SSBP2: variants seen among roughly 807,000 people sequenced by gnomAD.
SSBP2 encodes the protein single-stranded DNA-binding protein 2.
In SSBP2, 17 loss-of-function variants were observed where a neutral mutation model predicts 61.8. That is an observed-to-expected ratio of 0.28 (90% CI 0.19 to 0.41). The LOEUF (loss-of-function observed/expected upper bound fraction) is 0.41, where lower values mean the gene tolerates loss of function less well. Among genes scored for constraint, SSBP2 ranks in the 10% least tolerant of loss-of-function variants. SSBP2 has a pLI of 1.00. For synonymous variants in SSBP2, 139 were observed against 141.3 expected (o/e 0.98, Z 0.12); for missense variants, 310 against 458.7 (o/e 0.68, Z 2.96).
chr5:81,547,349 C>A (rs916202327), intron 4 of SSBP2, among the ~76,000 whole-genome samples: 2 of 152,178 alleles, frequency 1.3e-5, no homozygotes, highest in Non-Finnish European at 1.5e-5. Context: ...TTCTTAGAAA[C>A]AACCAAGATG....
chr5:81,725,500 G>A (rs953245075), intron 1 of SSBP2, among the ~76,000 whole-genome samples: 1 of 152,038 alleles, frequency 6.6e-6, no homozygotes, highest in Admixed American at 6.6e-5. Context: ...CTATTATCCA[G>A]AGATCCCACT....
intron 4 of SSBP2, among the ~76,000 whole-genome samples, chr5:81,589,527 G>A (rs778954617): frequency 1.8e-4 from 28 of 152,120 alleles, no homozygotes; most frequent in Admixed American, 5.9e-4. Flanking sequence ...ACATTTTTCC[G>A]AAATTGTTTA....
chr5:81,558,335 T>C (rs1772767113), intron 4 of SSBP2, among the ~76,000 whole-genome samples: 1 of 152,194 alleles, frequency 6.6e-6, no homozygotes, highest in Non-Finnish European at 1.5e-5. Context: ...CTGGAGGCTA[T>C]GAAGTCCAAG....
chr5:81,547,601 G>A (rs1771836883), intron 4 of SSBP2, among the ~76,000 whole-genome samples: 1 of 152,116 alleles, frequency 6.6e-6, no homozygotes, highest in Admixed American at 6.6e-5. Flanking sequence ...CAAGTAGCTA[G>A]GACTATAAGC....
At chr5:81,710,225 T>TA (rs1375464621) in intron 1 of SSBP2, among the ~76,000 whole-genome samples, 1 of 152,060 alleles carries the variant, frequency 6.6e-6, no homozygotes, top group Admixed American at 6.5e-5. Context: ...GTAAATTAAG[T>TA]AATGGTAGTA....
intron 4 of SSBP2, among the ~76,000 whole-genome samples, chr5:81,530,569 A>G (rs977424443): frequency 2.6e-5 from 4 of 151,790 alleles, no homozygotes; most frequent in African/African-American, 4.8e-5. Context: ...TTATCTTTTC[A>G]TAAGCATAAA....
At chr5:81,733,221 C>T (rs1406899166) in intron 1 of SSBP2, among the ~76,000 whole-genome samples, 1 of 152,040 alleles carries the variant, frequency 6.6e-6, no homozygotes, top group African/African-American at 2.4e-5. Context: ...AATATGAAGG[C>T]TCCAACAATC....
intron 1 of SSBP2, among the ~76,000 whole-genome samples, chr5:81,661,419 C>A (rs980479411): frequency 6.6e-6 from 1 of 152,020 alleles, no homozygotes; most frequent in Admixed American, 6.6e-5. Flanking sequence ...TTTTGAGAAA[C>A]CTCCGTACTG....
chr5:81,593,385 G>C (rs906654786), intron 4 of SSBP2, among the ~76,000 whole-genome samples: 1 of 152,206 alleles, frequency 6.6e-6, no homozygotes, highest in African/African-American at 2.4e-5. Context: ...TGAAAGTGAA[G>C]GGGAGAATGG....
chr5:81,483,963 A>G (rs1580800839), intron 6 of SSBP2, among the ~76,000 whole-genome samples: 1 of 152,202 alleles, frequency 6.6e-6, no homozygotes, highest in East Asian at 1.9e-4. Flanking sequence ...GCATATGATA[A>G]ATGCAGGTAT....
At chr5:81,466,250 G>A (rs1453232910) in intron 9 of SSBP2, among the ~76,000 whole-genome samples, 2 of 152,092 alleles carry the variant, frequency 1.3e-5, no homozygotes, top group African/African-American at 4.8e-5. Flanking sequence ...ATAAGACTTG[G>A]AGGGCAAGCT....
chr5:81,474,412 A>G, intron 7 of SSBP2, 84 bp downstream of exon 7: 2 of 1,207,394 alleles, frequency 1.7e-6, no homozygotes, highest in Non-Finnish European at 2.4e-6. Context: ...AGATTTACTT[A>G]TACAAATACA....
At chr5:81,676,856 G>C (rs913640094) in intron 1 of SSBP2, among the ~76,000 whole-genome samples, 4 of 151,908 alleles carry the variant, frequency 2.6e-5, no homozygotes, top group Admixed American at 6.6e-5. Flanking sequence ...GTAGATGTTA[G>C]TGGAAAGAAG....
chr5:81,637,388 T>C (rs925200708), intron 2 of SSBP2, among the ~76,000 whole-genome samples: 4 of 152,262 alleles, frequency 2.6e-5, no homozygotes, highest in African/African-American at 9.6e-5. Context: ...CTGTTGTTGC[T>C]TTCTTTAAAA....
chr5:81,693,661 C>A (rs1193598859), intron 1 of SSBP2, among the ~76,000 whole-genome samples: 2 of 152,088 alleles, frequency 1.3e-5, no homozygotes, highest in Admixed American at 1.3e-4. Context: ...CAGCTTTTGT[C>A]CAAAAGACAG....
chr5:81,581,784 G>A lies in SSBP2; in HGVS notation c.282+33689C>T, dbSNP rs576075872. Among the ~76,000 whole-genome samples, 4 of 152,188 alleles carry A rather than the reference G, an allele frequency of 2.6e-5. No individual in the cohort carries two copies. The South Asian group carries it at 8.3e-4, about 32-fold the overall frequency. ...ACTGTCTCAATTTAAGCAAGGATAT[G>A]CACAGAAAAATTATATTTAAAAGAT... On this transcript the variant is annotated intron_variant, in intron 4 of 16. Coordinates refer to ENST00000320672, the MANE Select transcript of SSBP2 (RefSeq NM_012446.5).
intron 1 of SSBP2, among the ~76,000 whole-genome samples, chr5:81,687,126 T>C (rs1049281693): frequency 2.0e-5 from 3 of 152,224 alleles, no homozygotes; most frequent in Non-Finnish European, 2.9e-5. Context: ...TTTGAATTAC[T>C]GATGCCACCC....
At position 81,611,049 on chromosome 5, in the gene SSBP2, A is replaced by T. The variant is rs369316452; in HGVS notation, c.282+4424T>A. 1.6e-4 allele frequency among the ~76,000 whole-genome samples: 24 copies of T among 152,340 alleles called. No homozygotes were observed. The East Asian group carries it at 4.6e-3, about 29-fold the overall frequency. ...GATAACCTAGTCTTGTGAGCACAAA[A>T]TAGAGTGTCACATCATTATAGCTCT... is the stretch of plus-strand genomic sequence containing the variant. On this transcript the variant is annotated intron_variant, in intron 4 of 16. Transcript: ENST00000320672.
chr5:81,559,848 A>G (rs1452878900), intron 4 of SSBP2, among the ~76,000 whole-genome samples: 2 of 152,110 alleles, frequency 1.3e-5, no homozygotes, highest in Admixed American at 1.3e-4. Context: ...AGCATAATAT[A>G]ATCTATTCTG....
Sources: allele counts gnomAD v4.1 joint callset (sites outside exome capture counted in the v4.1 genomes callset), GRCh38; gene constraint gnomAD v4.1.1; transcripts MANE v1.5; gene names NCBI Gene and HGNC (gene_info 2026-07-23, HGNC 2026-07-21).